The following ANLN variants were observed in gnomAD, a reference collection of about 807,000 sequenced individuals.
ANLN encodes the protein anillin, actin binding protein, also known as anillin.
In ANLN, 59 loss-of-function variants were observed where a neutral mutation model predicts 135.1. The observed-to-expected ratio is 0.44, with a 90% confidence interval of 0.35 to 0.54. The LOEUF is 0.54. ANLN is among the 20% of genes least tolerant of loss of function. The pLI, the probability that ANLN is intolerant of heterozygous loss-of-function variation, is 0.00. For missense variants in ANLN, 1,182 were observed against 1,340.0 expected (o/e 0.88, Z 1.84); for synonymous variants, 406 against 456.4 (o/e 0.89, Z 1.41).
At chr7:36,419,691 G>T (rs145111812) in intron 10 of ANLN, among the ~76,000 whole-genome samples, 17 of 152,256 alleles carry the variant, frequency 1.1e-4, no homozygotes, top group Middle Eastern at 3.4e-3. Flanking sequence ...GGCTTAAAAG[G>T]CCAGGCATTT....
chr7:36,433,265 A>G (rs1788401798), intron 20 of ANLN, among the ~76,000 whole-genome samples: 1 of 152,204 alleles, frequency 6.6e-6, no homozygotes, highest in Non-Finnish European at 1.5e-5. Context: ...TTCTTGTAAT[A>G]TAGTTCTGCT....
intron 20 of ANLN, among the ~76,000 whole-genome samples, chr7:36,430,440 T>A (rs1788268860): frequency 6.6e-6 from 1 of 152,156 alleles, no homozygotes; most frequent in Non-Finnish European, 1.5e-5. Context: ...AAATTACAAA[T>A]CTTAGTGAGT....
intron 20 of ANLN, among the ~76,000 whole-genome samples, chr7:36,434,752 ATTACAG>A (rs899154804): frequency 1.3e-5 from 2 of 152,020 alleles, no homozygotes; most frequent in African/African-American, 4.8e-5. Flanking sequence ...TAACCCCAGG[ATTACAG>A]GAGAGGCTGA....
In ANLN at chr7:36,410,563, A is replaced by G. The variant is rs1787369350; in HGVS notation, c.1146A>G (p.Gln382=). ...TGGAACGCTTTGGAGAGCGTTGTCA[A>G]GAACATAGCAAAGAAAGTCCAGCTC... ...PFLERFGERC[Q]EHSKESPARS... is the part of the protein sequence containing the mutation. The change falls in exon 6 of 24, where the codon CAA becomes CAG. Residue 382 remains glutamine (Q), a synonymous_variant. Transcript: ENST00000265748. 1 of 1,613,860 alleles carries G rather than the reference A, an allele frequency of 6.2e-7. No homozygotes were observed. The highest frequency in any genetic ancestry group is 1.3e-5 in the African/African-American group (1 of 74,916).
chr7:36,422,856 C>T, intron 14 of ANLN, 47 bp downstream of exon 14: 1 of 1,520,898 alleles, frequency 6.6e-7, no homozygotes, highest in African/African-American at 1.4e-5. Flanking sequence ...ATGAACCTCA[C>T]CTAGATTGAA....
chr7:36,446,407 C>T (rs919128755), intron 22 of ANLN, among the ~76,000 whole-genome samples: 4 of 151,990 alleles, frequency 2.6e-5, no homozygotes, highest in African/African-American at 9.7e-5. Flanking sequence ...TGAAGAAATA[C>T]CCAAGACTGG....
intron 23 of ANLN, among the ~76,000 whole-genome samples, chr7:36,450,367 G>A (rs1218593874): frequency 6.6e-6 from 1 of 152,154 alleles, no homozygotes; most frequent in Non-Finnish European, 1.5e-5. Context: ...AGGTTTCTTT[G>A]CTTGGATGCC....
intron 7 of ANLN, among the ~76,000 whole-genome samples, chr7:36,411,433 G>C (rs1342207925): frequency 1.3e-5 from 2 of 152,086 alleles, no homozygotes; most frequent in Non-Finnish European, 2.9e-5. Context: ...TTTGATTTCA[G>C]AGTCTACTTA....
chr7:36,396,941 A>T (rs1369484829), intron 2 of ANLN, among the ~76,000 whole-genome samples: 1 of 152,172 alleles, frequency 6.6e-6, no homozygotes, highest in Non-Finnish European at 1.5e-5. Context: ...GCACACACAC[A>T]CATACACACA....
At chr7:36,392,430 A>G (rs1210695393) in intron 1 of ANLN, among the ~76,000 whole-genome samples, 1 of 150,394 alleles carries the variant, frequency 6.6e-6, no homozygotes, top group Non-Finnish European at 1.5e-5. Flanking sequence ...TATGTGGCAA[A>G]AGTTGTTCAG....
Position 36,449,775 on chromosome 7 carries a change from A to G in ANLN, c.3189A>G (p.Pro1063=). 6.2e-7 allele frequency: 1 copy of G among 1,614,172 alleles called. No individual in the cohort carries two copies. The highest frequency in any genetic ancestry group is 8.5e-7 in the Non-Finnish European group (1 of 1,179,998). Reference sequence around the variant, plus strand: ...CTTTTGAATTAATTACTGTCCGACCACAAAGAGAAGATGACCGAGAGACTC... The same window carrying G: ...CTTTTGAATTAATTACTGTCCGACCGCAAAGAGAAGATGACCGAGAGACTC... The part of the protein sequence containing the change: ...RNTFELITVR[P]QREDDRETLV... Residue 1063 remains proline (P), a synonymous_variant, in exon 23 of 24, where the codon CCA becomes CCG. Transcript: ENST00000265748.
intron 22 of ANLN, among the ~76,000 whole-genome samples, chr7:36,447,740 C>A (rs191511791): frequency 4.9e-4 from 75 of 152,272 alleles, no homozygotes; most frequent in Admixed American, 2.4e-3. Context: ...AGGGAGGATC[C>A]ACATGCCAGG....
chr7:36,419,694 A>G (rs892813044), intron 10 of ANLN, among the ~76,000 whole-genome samples: 2 of 152,218 alleles, frequency 1.3e-5, no homozygotes, highest in Non-Finnish European at 2.9e-5. Flanking sequence ...TTAAAAGGCC[A>G]GGCATTTGGG....
chr7:36,428,834 A>G (rs1052189461), intron 20 of ANLN, among the ~76,000 whole-genome samples: 12 of 141,944 alleles, frequency 8.5e-5, no homozygotes, highest in Non-Finnish European at 1.2e-4. Context: ...GCTGGAGTGC[A>G]GTGGCGTGAT....
chr7:36,452,306 T>C (rs553643572), intron 23 of ANLN, among the ~76,000 whole-genome samples, 171 bp from the exon 24 acceptor site: 1 of 152,328 alleles, frequency 6.6e-6, no homozygotes, highest in African/African-American at 2.4e-5. Flanking sequence ...TTTCCTCTGT[T>C]TTATTTGGAG....
At chr7:36,426,831 C>A in intron 19 of ANLN, 85 bp from the exon 20 acceptor site, 1 of 672,788 alleles carries the variant, frequency 1.5e-6, no homozygotes, top group East Asian at 3.1e-5. Flanking sequence ...GCTTAATTTT[C>A]TTCTACTGGG....
intron 5 of ANLN, 42 bp downstream of exon 5, chr7:36,407,998 C>T: frequency 7.1e-7 from 1 of 1,415,298 alleles, no homozygotes; most frequent in Non-Finnish European, 9.8e-7. Flanking sequence ...TGATTATATT[C>T]AGGATATCTA....
intron 20 of ANLN, among the ~76,000 whole-genome samples, chr7:36,434,588 G>T (rs1253442864): frequency 1.3e-5 from 2 of 152,270 alleles, no homozygotes; most frequent in East Asian, 3.9e-4. Context: ...TTTTGGCCAG[G>T]CACAGTGGCT....
rs373902844 is a variant in ANLN, at chr7:36,407,821, C to G, written c.961C>G (p.Pro321Ala). 2 of 1,613,730 alleles carry G rather than the reference C, an allele frequency of 1.2e-6. No individual in the cohort carries two copies. The highest frequency in any genetic ancestry group is 1.7e-6 in the Non-Finnish European group (2 of 1,179,840). Reference sequence around the variant, plus strand: ...AAATCCTGAGCTACTTCCAAAAACTCCTATTAGTCCTCTGAAAACGGGGGT... The same window carrying G: ...AAATCCTGAGCTACTTCCAAAAACTGCTATTAGTCCTCTGAAAACGGGGGT... ...GQNPELLPKT[P>A]ISPLKTGVSK... Residue 321 changes from proline (P) to alanine (A), a missense_variant, in exon 5 of 24, where the codon CCT (proline) becomes GCT (alanine). Coordinates refer to ENST00000265748, the MANE Select transcript of ANLN (RefSeq NM_018685.5).
Sources: gnomAD v4.1 joint callset for allele counts (sites outside exome capture counted in the v4.1 genomes callset) on GRCh38, gnomAD v4.1.1 for gene constraint, MANE v1.5 for transcripts, NCBI Gene and HGNC (gene_info 2026-07-23, HGNC 2026-07-21) for gene names.